Variants in AKAP6 observed in about 807,000 individuals in gnomAD.
AKAP6 encodes A-kinase anchor protein 6.
A neutral mutation model predicts 188.5 loss-of-function variants in AKAP6; 58 were observed. That is an observed-to-expected ratio of 0.31 (90% confidence interval 0.25 to 0.38). The LOEUF is 0.38. Ranked by LOEUF, AKAP6 falls within the 10% of genes least tolerant of loss-of-function variation. The pLI is 1.00. For synonymous variants in AKAP6, 989 were observed against 998.6 expected (o/e 0.99, Z 0.18); for missense variants, 2,710 against 2,740.0 (o/e 0.99, Z 0.24).
At chr14:32,753,606 T>A (rs1360218557) in intron 11 of AKAP6, among the ~76,000 whole-genome samples, 1 of 152,156 alleles carries the variant, frequency 6.6e-6, no homozygotes, top group Non-Finnish European at 1.5e-5. Context: ...TCAAGAAACT[T>A]TTCCCCTATG....
intron 11 of AKAP6, among the ~76,000 whole-genome samples, chr14:32,752,750 A>C (rs1273762618): frequency 6.6e-6 from 1 of 152,168 alleles, no homozygotes; most frequent in Non-Finnish European, 1.5e-5. Flanking sequence ...CAATTTATTA[A>C]AATTTTACAT....
At chr14:32,729,239 C>T (rs1399634914) in intron 9 of AKAP6, among the ~76,000 whole-genome samples, 2 of 151,946 alleles carry the variant, frequency 1.3e-5, no homozygotes, top group African/African-American at 2.4e-5. Flanking sequence ...TTGTTCCAGT[C>T]TCCATTTGGG....
intron 4 of AKAP6, among the ~76,000 whole-genome samples, chr14:32,561,306 A>C (rs562752896): frequency 6.6e-5 from 10 of 152,304 alleles, no homozygotes; most frequent in African/African-American, 2.4e-4. Context: ...TATATTAGAA[A>C]TAACTAGGGT....
chr14:32,720,816 A>G (rs2030490234), intron 9 of AKAP6, among the ~76,000 whole-genome samples: 2 of 152,148 alleles, frequency 1.3e-5, no homozygotes, highest in African/African-American at 2.4e-5. Flanking sequence ...GTGAATAGCC[A>G]ACTGCACTCC....
intron 5 of AKAP6, among the ~76,000 whole-genome samples, chr14:32,582,807 A>C (rs1885041601): frequency 1.3e-5 from 2 of 151,824 alleles, no homozygotes; most frequent in Non-Finnish European, 1.5e-5. Flanking sequence ...TGCATTCTTC[A>C]CGTAGTTCTC....
chr14:32,492,355 T>TAGAGAGAGAG (rs1555333490), intron 2 of AKAP6, among the ~76,000 whole-genome samples: 111 of 82,592 alleles, frequency 1.3e-3, no homozygotes, highest in African/African-American at 2.7e-3. Flanking sequence ...TATATATATA[T>TAGAGAGAGAG]AGAGAGAGAG....
intron 7 of AKAP6, among the ~76,000 whole-genome samples, chr14:32,669,850 G>A (rs915173039): frequency 2.6e-5 from 4 of 152,008 alleles, no homozygotes; most frequent in Non-Finnish European, 4.4e-5. Flanking sequence ...TAATCCCAGC[G>A]GTTTGGGAGG....
intron 10 of AKAP6, among the ~76,000 whole-genome samples, chr14:32,735,214 C>T (rs759081723): frequency 3.3e-5 from 5 of 152,052 alleles, no homozygotes; most frequent in Non-Finnish European, 7.4e-5. Context: ...CTACTCTTGG[C>T]CTCTTTAGTA....
intron 2 of AKAP6, among the ~76,000 whole-genome samples, chr14:32,456,279 A>G (rs955287771): frequency 3.3e-5 from 5 of 152,164 alleles, no homozygotes; most frequent in Admixed American, 6.5e-5. Context: ...ACTACTTTCA[A>G]TGTCATTAGT....
In AKAP6 at chr14:32,833,742, C is replaced by A. The variant is rs1289907520; in HGVS notation, c.*3937C>A. The A allele has an allele frequency of 6.6e-6, 1 of 152,182 alleles. No homozygotes were observed. The highest frequency in any genetic ancestry group is 1.5e-5 in the Non-Finnish European group (1 of 68,024). 9.4% of individuals were successfully genotyped at this position (152,182 alleles called of 1,614,324 possible). On this transcript the variant is annotated 3_prime_UTR_variant, in exon 14 of 14. Coordinates refer to ENST00000280979, the MANE Select transcript of AKAP6 (RefSeq NM_004274.5). ...AATTTTTTAGAATTTTAAAGAAAAA[C>A]TCACTTTTCAAGTGTCATATAATTC... is the stretch of plus-strand genomic sequence containing the variant.
intron 7 of AKAP6, among the ~76,000 whole-genome samples, chr14:32,666,723 T>C (rs1441025998): frequency 6.6e-6 from 1 of 152,100 alleles, no homozygotes; most frequent in Non-Finnish European, 1.5e-5. Context: ...ATAAGATTTT[T>C]TAATGAGGAT....
intron 7 of AKAP6, among the ~76,000 whole-genome samples, chr14:32,676,506 G>GTTT (rs1460007927): frequency 1.4e-4 from 21 of 151,836 alleles, no homozygotes; most frequent in Non-Finnish European, 2.6e-4. Context: ...TTTTCTTTGT[G>GTTT]CCTTCCCACC....
chr14:32,423,019 A>C (rs1043428639), intron 1 of AKAP6, among the ~76,000 whole-genome samples: 1 of 152,176 alleles, frequency 6.6e-6, no homozygotes, highest in Non-Finnish European at 1.5e-5. Context: ...CTTCCAAAAT[A>C]CTGTTTTTCT....
At chr14:32,398,523 G>C (rs985260912) in intron 1 of AKAP6, among the ~76,000 whole-genome samples, 2 of 152,172 alleles carry the variant, frequency 1.3e-5, no homozygotes, top group African/African-American at 4.8e-5. Context: ...AAATGTGATG[G>C]ATGTGGTTTG....
At chr14:32,549,685 T>C (rs953161525) in intron 4 of AKAP6, among the ~76,000 whole-genome samples, 1 of 152,242 alleles carries the variant, frequency 6.6e-6, no homozygotes, top group South Asian at 2.1e-4. Context: ...GTATTTTACG[T>C]GGCTTACCCT....
rs755320536 is a variant in AKAP6, at chr14:32,821,779, G to A, written c.3966G>A (p.Lys1322=). 6.2e-7 allele frequency: 1 copy of A among 1,613,766 alleles called. No homozygotes were observed. Among genetic ancestry groups the A allele is most frequent in the Admixed American group, 1.7e-5 (1 of 59,906 alleles). ...TGMTQPNVLT[K]SLSKDSSFSS... is the part of the protein sequence containing the mutation. ...TGACACAGCCTAATGTTTTAACTAA[G>A]AGTCTCAGTAAAGACTCTTCATTTT... Residue 1322 remains lysine (K), a synonymous_variant, in exon 13 of 14, where the codon AAG becomes AAA. Coordinates refer to ENST00000280979, the MANE Select transcript of AKAP6 (RefSeq NM_004274.5).
chr14:32,644,670 A>C (rs1887910074), intron 7 of AKAP6, among the ~76,000 whole-genome samples: 4 of 151,978 alleles, frequency 2.6e-5, no homozygotes, highest in Admixed American at 1.3e-4. Flanking sequence ...CATTTTTTTT[A>C]ATCCCTTAGC....
chr14:32,763,067 G>A (rs548923438), intron 11 of AKAP6, among the ~76,000 whole-genome samples: 5 of 152,032 alleles, frequency 3.3e-5, no homozygotes, highest in Middle Eastern at 3.4e-3. Context: ...GTACAATGTC[G>A]AAACTATTTT....
chr14:32,651,467 A>G (rs775079232), intron 7 of AKAP6, among the ~76,000 whole-genome samples: 1 of 152,190 alleles, frequency 6.6e-6, no homozygotes, highest in Non-Finnish European at 1.5e-5. Context: ...AGTAATTTAT[A>G]AAGAACAGAA....
Sources: gnomAD v4.1 joint callset for allele counts (sites outside exome capture counted in the v4.1 genomes callset) on GRCh38, gnomAD v4.1.1 for gene constraint, MANE v1.5 for transcripts, NCBI Gene and HGNC (gene_info 2026-07-23, HGNC 2026-07-21) for gene names.